ARL1: variants seen among roughly 807,000 people sequenced by gnomAD.
The protein encoded by ARL1 is ADP-ribosylation factor-like protein 1.
A neutral mutation model predicts 30.1 loss-of-function variants in ARL1; 17 were observed. The observed-to-expected ratio is 0.56, with a 90% confidence interval of 0.39 to 0.85. The LOEUF is 0.85. Among genes scored for constraint, ARL1 ranks in the 40% least tolerant of loss-of-function variants. ARL1 has a pLI of 0.00. For synonymous variants in ARL1, 58 were observed against 71.7 expected (o/e 0.81, Z 0.97); for missense variants, 102 against 212.6 (o/e 0.48, Z 3.24).
chr12:101,403,677 T>A, intron 2 of ARL1: 1 of 154,658 alleles, frequency 6.5e-6, no homozygotes, highest in Middle Eastern at 3.3e-3. Context: ...ATAACTTCCA[T>A]GGCTGGGTGC....
Position 101,407,739 on chromosome 12 carries a change from G to T in ARL1, c.-94C>A. Reference sequence around the variant, plus strand: ...GTTTCCTCGCAAGCCCAGTCAGCCAGCAACTTCCACGTCGGACTCCAGGCG... The same window carrying T: ...GTTTCCTCGCAAGCCCAGTCAGCCATCAACTTCCACGTCGGACTCCAGGCG... On this transcript the variant is annotated 5_prime_UTR_variant, in exon 1 of 6. It adds an upstream start codon to the 5' untranslated region. Transcript: ENST00000261636. The T allele has an allele frequency of 6.3e-7, 1 of 1,577,534 alleles. No homozygotes were observed. Among genetic ancestry groups the T allele is most frequent in the Non-Finnish European group, 8.7e-7 (1 of 1,153,286 alleles).
chr12:101,404,333 G>A (rs1356948035), intron 2 of ARL1, among the ~76,000 whole-genome samples: 1 of 152,140 alleles, frequency 6.6e-6, no homozygotes, highest in African/African-American at 2.4e-5. Context: ...ACGCTGCAGT[G>A]AGCTATGAAT....
At chr12:101,397,586 GC>G (rs1387900810) in intron 4 of ARL1, among the ~76,000 whole-genome samples, 1 of 151,560 alleles carries the variant, frequency 6.6e-6, no homozygotes, top group Non-Finnish European at 1.5e-5. Flanking sequence ...TGCAGCCTCT[GC>G]ATCCTGGGTT....
In ARL1 at chr12:101,396,391, A is replaced by T; in HGVS notation, c.515+8T>A. 1.9e-6 allele frequency: 3 copies of T among 1,614,032 alleles called. No individual in the cohort carries two copies. The highest frequency in any genetic ancestry group is 2.5e-6 in the Non-Finnish European group (3 of 1,179,894). ...TGCACAGATGGCTTCTGGAAGCATG[A>T]TACTTGCCATTCCATTGCCTCATCA... On this transcript the variant is annotated splice_region_variant and intron_variant, in intron 5 of 5. Coordinates refer to ENST00000261636, the MANE Select transcript of ARL1 (RefSeq NM_001177.6).
chr12:101,396,132 T>C (rs958399753), intron 5 of ARL1: 1 of 600,306 alleles, frequency 1.7e-6, no homozygotes, highest in Non-Finnish European at 2.9e-6. Flanking sequence ...TCCTGAAGGA[T>C]AAGGAATTGG....
At chr12:101,400,477 A>G (rs1325878065) in intron 4 of ARL1, 1 of 152,230 alleles carries the variant, frequency 6.6e-6, no homozygotes, top group African/African-American at 2.4e-5. Flanking sequence ...TAGAGAATAA[A>G]TAAGACTTCT....
At chr12:101,404,156 G>C (rs1392991268) in intron 2 of ARL1, among the ~76,000 whole-genome samples, 1 of 152,132 alleles carries the variant, frequency 6.6e-6, no homozygotes, top group East Asian at 1.9e-4. Context: ...CTTAGAATTA[G>C]GTAGGAGTGT....
At chr12:101,404,829 T>C (rs1208197795) in intron 2 of ARL1, among the ~76,000 whole-genome samples, 2 of 152,182 alleles carry the variant, frequency 1.3e-5, no homozygotes, top group African/African-American at 2.4e-5. Context: ...CAGTAATAAT[T>C]GATTAAAATT....
chr12:101,405,044 T>C (rs1322822599), intron 2 of ARL1, among the ~76,000 whole-genome samples: 7 of 152,170 alleles, frequency 4.6e-5, no homozygotes, highest in Non-Finnish European at 8.8e-5. Flanking sequence ...GCTAATTTTG[T>C]ATTTTTAGTA....
In ARL1 at chr12:101,393,369, A is replaced by G. The variant is rs567166475; in HGVS notation, c.*2271T>C. 6.6e-6 allele frequency: 1 copy of G among 152,114 alleles called. No homozygotes were observed. Among genetic ancestry groups the G allele is most frequent in the African/African-American group, 2.4e-5 (1 of 41,412 alleles). The allele number at this position is 152,114 out of a possible 1,614,324, so 9.4% of individuals were successfully genotyped here. A position where few individuals can be genotyped will look rare whatever the true frequency, so the allele number is the denominator to read the frequency against. On this transcript the variant is annotated 3_prime_UTR_variant, in exon 6 of 6. Coordinates refer to ENST00000261636, the MANE Select transcript of ARL1 (RefSeq NM_001177.6). ...ATCATAGGCCAGAGTTATAAAATACAATGTTAGAAAGAAACGTTTGGTATC... is the reference window on the plus strand; with the variant it reads ...ATCATAGGCCAGAGTTATAAAATACGATGTTAGAAAGAAACGTTTGGTATC...
chr12:101,397,762 A>G (rs1871191123), intron 4 of ARL1, among the ~76,000 whole-genome samples: 1 of 152,020 alleles, frequency 6.6e-6, no homozygotes, highest in Non-Finnish European at 1.5e-5. Flanking sequence ...TCGGCCTCCC[A>G]AAGTGCTGGG....
Position 101,395,644 on chromosome 12 carries a change from T to G in ARL1, c.542A>C (p.Gln181Pro), listed in dbSNP as rs761389991. 8.2e-6 allele frequency: 13 copies of G among 1,578,478 alleles called. No homozygotes were observed. The highest frequency in any genetic ancestry group is 3.6e-5 in the Admixed American group (2 of 55,210). Reference sequence around the variant, plus strand: ...AGGGGAGAAGAATGGACTGAATTACTGTCTGCTTTTTAATGTTTCAACTAA... The same window carrying G: ...AGGGGAGAAGAATGGACTGAATTACGGTCTGCTTTTTAATGTTTCAACTAA... ...EWLVETLKSR[Q>P] The change falls in exon 6 of 6, where the codon CAG (glutamine) becomes CCG (proline). Residue 181 changes from glutamine to proline, a missense_variant. Coordinates refer to ENST00000261636, the MANE Select transcript of ARL1 (RefSeq NM_001177.6).
At chr12:101,401,241 C>T in intron 3 of ARL1, 68 bp from the exon 4 acceptor site, 1 of 991,830 alleles carries the variant, frequency 1.0e-6, no homozygotes, top group Non-Finnish European at 1.6e-6. Context: ...ATATCAATTG[C>T]CAATTCTGTC....
At position 101,405,879 on chromosome 12, in the gene ARL1, C is replaced by T. The variant is rs1409129413; in HGVS notation, c.107G>A (p.Arg36Lys). ...DGAGKTTILY[R>K]LQVGEVVTTI... ...AGTAACAACTTCTCCCACTTGTAAT[C>T]TGTACAAAATTGTGGTTTTTCCTGC... Residue 36 changes from arginine to lysine, a missense_variant, in exon 2 of 6, where the codon AGA (arginine) becomes AAA (lysine). By Grantham distance (26) the Arg-to-Lys change is conservative (BLOSUM62 2). Coordinates refer to ENST00000261636, the MANE Select transcript of ARL1 (RefSeq NM_001177.6). 1 of 1,565,158 alleles carries T rather than the reference C, an allele frequency of 6.4e-7. No individual in the cohort carries two copies. The highest frequency in any genetic ancestry group is 1.9e-5 in the Admixed American group (1 of 52,320).
chr12:101,405,109 G>A (rs1871403721), intron 2 of ARL1, among the ~76,000 whole-genome samples: 1 of 152,158 alleles, frequency 6.6e-6, no homozygotes, highest in Non-Finnish European at 1.5e-5. Context: ...GACCTCAGGT[G>A]ATCCACCCGC....
At chr12:101,400,994 T>C (rs550126583) in intron 4 of ARL1, 68 bp downstream of exon 4, 1 of 1,068,862 alleles carries the variant, frequency 9.4e-7, no homozygotes, top group Non-Finnish European at 1.4e-6. Context: ...GCATTCTTTT[T>C]AATTATTCTT....
At chr12:101,402,763 T>A (rs1490394179) in intron 3 of ARL1, 102 bp downstream of exon 3, 1 of 694,416 alleles carries the variant, frequency 1.4e-6, no homozygotes, top group Non-Finnish European at 2.3e-6. Context: ...GGTGGCTCCA[T>A]TTAAATTACA....
In ARL1 at chr12:101,393,541, C is replaced by T. The variant is rs542111017; in HGVS notation, c.*2099G>A. ...TGCCATGTATATATCAATATCCAAA[C>T]GCTGGTAGTATACCTGTGCAGTTGT... is the stretch of plus-strand genomic sequence containing the variant. On this transcript the variant is annotated 3_prime_UTR_variant, in exon 6 of 6. Coordinates refer to ENST00000261636, the MANE Select transcript of ARL1 (RefSeq NM_001177.6). 1.3e-5 allele frequency: 2 copies of T among 152,230 alleles called. No individual in the cohort carries two copies. The highest frequency in any genetic ancestry group is 4.1e-4 in the South Asian group (2 of 4,820). The allele number at this position is 152,230 out of a possible 1,614,324, so 9.4% of individuals were successfully genotyped here.
rs1162530360 is a variant in ARL1 at position 101,396,459 on chromosome 12, T to C, written c.455A>G (p.Lys152Arg). The C allele has an allele frequency of 3.7e-6, 6 of 1,614,010 alleles. No homozygotes were observed. In the East Asian group the frequency reaches 1.3e-4, roughly 36 times the overall value. Reference protein sequence around the residue: ...SLGLPALKDRKWQIFKTSATK... With the variant: ...SLGLPALKDRRWQIFKTSATK... The stretch of plus-strand genomic sequence containing the variant: ...TGCTGACGTTTTGAATATCTGCCAT[T>C]TTCGGTCCTTCAAGGCAGGTAACCC... Residue 152 changes from lysine to arginine, a missense_variant, in exon 5 of 6, where the codon AAA becomes AGA. Coordinates refer to ENST00000261636, the MANE Select transcript of ARL1 (RefSeq NM_001177.6).
Sources: allele counts gnomAD v4.1 joint callset (sites outside exome capture counted in the v4.1 genomes callset), GRCh38; gene constraint gnomAD v4.1.1; transcripts MANE v1.5; gene names NCBI Gene and HGNC (gene_info 2026-07-23, HGNC 2026-07-21).